Variants in ENPP3 observed in about 807,000 individuals in gnomAD.
ENPP3 encodes ectonucleotide pyrophosphatase/phosphodiesterase family member 3.
In ENPP3, 104 loss-of-function variants were observed where a neutral mutation model predicts 117.8. That is an observed-to-expected ratio of 0.88 (90% CI 0.75 to 1.04). The LOEUF is 1.04. ENPP3 is among the 50% of genes least tolerant of loss of function. The pLI, the probability that ENPP3 is intolerant of heterozygous loss-of-function variation, is 0.00. For synonymous variants in ENPP3, 380 were observed against 349.9 expected, an observed-to-expected ratio of 1.09 and a Z score of -0.96; for missense variants, 1,026 against 1,051.9, an observed-to-expected ratio of 0.98 and a Z score of 0.34.
chr6:131,676,874 TACTTTAAA>T, intron 10 of ENPP3, 73 bp downstream of exon 10: 13 of 955,698 alleles, frequency 1.4e-5, no homozygotes, highest in Non-Finnish European at 2.0e-5. Context: ...TTTTTTTTTT[TACTTTAAA>T]TTACAATTTT....
rs773409506 is a variant in ENPP3 at position 131,652,815 on chromosome 6, A to G, written c.404-16A>G. The G allele has an allele frequency of 6.2e-7, 1 of 1,611,470 alleles. No homozygotes were observed. The highest frequency in any genetic ancestry group is 8.5e-7 in the Non-Finnish European group (1 of 1,177,662). ...TGCTGCAGCAAGTATCAAGATTTTG[A>G]TCTTATGCTTTTCAGGAGAAACCTC... On this transcript the variant is annotated splice_polypyrimidine_tract_variant and intron_variant, in intron 4 of 24. Coordinates refer to ENST00000357639, the MANE Select transcript of ENPP3 (RefSeq NM_005021.5).
chr6:131,658,845 A>T (rs1244461758), intron 6 of ENPP3, among the ~76,000 whole-genome samples: 1 of 152,152 alleles, frequency 6.6e-6, no homozygotes, highest in East Asian at 1.9e-4. Context: ...CAAGTCCAGG[A>T]TCTATTTCCA....
At position 131,674,355 on chromosome 6, in the gene ENPP3, T is replaced by G. The variant is rs768242467; in HGVS notation, c.762+74T>G. On this transcript the variant is annotated intron_variant, in intron 8 of 24. Transcript: ENST00000357639. ...TGTGACAGGAGGACACTCTTCTCAC[T>G]CAGTGGAGCAAGTTCTATGTCACCC... 21 of 1,429,320 alleles carry G rather than the reference T, an allele frequency of 1.5e-5. No homozygotes were observed. The African/African-American group carries it at 3.0e-4, about 20-fold the overall frequency. 88.5% of individuals were successfully genotyped at this position (1,429,320 alleles called of 1,614,324 possible).
At chr6:131,715,866 C>A (rs1401976429) in intron 15 of ENPP3, among the ~76,000 whole-genome samples, 1 of 152,022 alleles carries the variant, frequency 6.6e-6, no homozygotes, top group African/African-American at 2.4e-5. Context: ...AGTGTTTTCT[C>A]GGTAAACAAG....
intron 16 of ENPP3, among the ~76,000 whole-genome samples, chr6:131,719,037 A>G (rs935165874): frequency 1.3e-5 from 2 of 152,214 alleles, no homozygotes; most frequent in African/African-American, 2.4e-5. Context: ...TAATAAAATA[A>G]TACATTATTT....
chr6:131,678,017 C>T (rs1207281790), intron 11 of ENPP3, 77 bp downstream of exon 11: 1 of 819,242 alleles, frequency 1.2e-6, no homozygotes, highest in Non-Finnish European at 2.0e-6. Flanking sequence ...AGATAGTATT[C>T]TTTAACTTCT....
intron 11 of ENPP3, among the ~76,000 whole-genome samples, chr6:131,678,579 G>T (rs1422974754): frequency 1.3e-5 from 2 of 152,250 alleles, no homozygotes; most frequent in Non-Finnish European, 2.9e-5. Context: ...ACAGTGGAAA[G>T]ATGCAAAGGC....
chr6:131,701,300 G>A (rs1273662821), intron 15 of ENPP3: 11 of 1,562,874 alleles, frequency 7.0e-6, no homozygotes, highest in Middle Eastern at 1.7e-4. Flanking sequence ...GGGTGAAGAC[G>A]TAGAACAGGG....
chr6:131,722,223 A>AG lies in ENPP3; in HGVS notation c.1568-4_1568-3insG. On this transcript the variant is annotated splice_region_variant and splice_polypyrimidine_tract_variant and intron_variant, in intron 17 of 24. Transcript: ENST00000357639. ...TACTTTGAACTAATTTTTTCAAAAA[A>AG]CAGATCTTCTACGCATTCAACCAGC... The AG allele has an allele frequency of 6.2e-7, 1 of 1,604,406 alleles. No individual in the cohort carries two copies. Among genetic ancestry groups the AG allele is most frequent in the Admixed American group, 1.7e-5 (1 of 57,346 alleles).
chr6:131,702,265 G>A (rs1315453593), intron 15 of ENPP3, among the ~76,000 whole-genome samples: 2 of 151,246 alleles, frequency 1.3e-5, no homozygotes, highest in African/African-American at 2.5e-5. Context: ...AATTAAGGGC[G>A]GGCTATACTA....
intron 6 of ENPP3, among the ~76,000 whole-genome samples, chr6:131,669,295 T>G (rs559124015): frequency 1.3e-4 from 20 of 152,286 alleles, no homozygotes; most frequent in African/African-American, 4.8e-4. Context: ...ATAAAGGTTA[T>G]TTTAATCTTA....
intron 14 of ENPP3, among the ~76,000 whole-genome samples, chr6:131,691,296 A>G (rs986201459): frequency 2.0e-5 from 3 of 151,954 alleles, no homozygotes; most frequent in Non-Finnish European, 2.9e-5. Flanking sequence ...CTGAGATAAA[A>G]TGTCAAAAAC....
At chr6:131,671,365 C>T in intron 7 of ENPP3, 38 bp downstream of exon 7, 1 of 1,169,040 alleles carries the variant, frequency 8.6e-7, no homozygotes, top group Non-Finnish European at 1.3e-6. Context: ...GGCCAAAGAC[C>T]AGAACTGACC....
chr6:131,653,827 G>A (rs1346666285), intron 5 of ENPP3, among the ~76,000 whole-genome samples: 1 of 152,148 alleles, frequency 6.6e-6, no homozygotes, highest in Admixed American at 6.5e-5. Flanking sequence ...AATGAGGAGA[G>A]CTTTGTCAGG....
At chr6:131,661,101 T>C (rs969331356) in intron 6 of ENPP3, among the ~76,000 whole-genome samples, 1 of 152,234 alleles carries the variant, frequency 6.6e-6, no homozygotes, top group Non-Finnish European at 1.5e-5. Context: ...ATTGTATGTA[T>C]ATGCCACCTT....
intron 7 of ENPP3, among the ~76,000 whole-genome samples, chr6:131,671,720 T>C (rs1254510855): frequency 6.6e-6 from 1 of 152,176 alleles, no homozygotes; most frequent in Non-Finnish European, 1.5e-5. Context: ...TCATTACAAT[T>C]AACTTGATAG....
chr6:131,738,692 A>G (rs995872638), intron 23 of ENPP3, among the ~76,000 whole-genome samples: 1 of 152,186 alleles, frequency 6.6e-6, no homozygotes, highest in East Asian at 1.9e-4. Context: ...AAGCCTGGTC[A>G]TAACAGGTTG....
intron 21 of ENPP3, 48 bp from the exon 22 acceptor site, chr6:131,737,307 C>T (rs371129968): frequency 2.1e-5 from 24 of 1,157,072 alleles, no homozygotes; most frequent in Non-Finnish European, 1.3e-6. Context: ...TGCAGTATGT[C>T]ATATTTTCTC....
Position 131,650,104 on chromosome 6 carries a change from C to G in ENPP3, c.232C>G (p.Arg78Gly). 3 of 1,613,980 alleles carry G rather than the reference C, an allele frequency of 1.9e-6. No homozygotes were observed. Among genetic ancestry groups the G allele is most frequent in the Non-Finnish European group, 2.5e-6 (3 of 1,179,940 alleles). The change falls in exon 3 of 25, where the codon CGA becomes GGA. Residue 78 changes from arginine to glycine, a missense_variant. Physicochemically the swap from Arg to Gly is moderately radical, Grantham distance 125. Transcript: ENST00000357639. ...NCRCDVACKD[R>G]GDCCWDFEDT... is the part of the protein sequence containing the mutation. ...CCGGTGTGATGTGGCATGTAAAGAC[C>G]GAGGTGATTGCTGCTGGGATTTTGA...
Sources: gnomAD v4.1 joint callset for allele counts (sites outside exome capture counted in the v4.1 genomes callset) on GRCh38, gnomAD v4.1.1 for gene constraint, MANE v1.5 for transcripts, NCBI Gene and HGNC (gene_info 2026-07-23, HGNC 2026-07-21) for gene names.